Variants in RGSL1 observed in about 807,000 individuals in gnomAD.
RGSL1 encodes the protein regulator of G protein signaling protein-like.
In RGSL1, 97 loss-of-function variants were observed where a neutral mutation model predicts 124.7. The ratio of observed to expected loss-of-function variants is 0.78; its 90% CI spans 0.66 to 0.92. The LOEUF is 0.92. Among genes scored for constraint, RGSL1 ranks in the 40% least tolerant of loss-of-function variants. The pLI is 0.00. For missense variants in RGSL1, 1,233 were observed against 1,288.4 expected, an observed-to-expected ratio of 0.96 and a Z score of 0.66; for synonymous variants, 424 against 438.1, an observed-to-expected ratio of 0.97 and a Z score of 0.40.
intron 9 of RGSL1, among the ~76,000 whole-genome samples, chr1:182,520,267 T>G (rs1022254786): frequency 3.9e-5 from 6 of 152,174 alleles, no homozygotes; most frequent in African/African-American, 1.2e-4. Flanking sequence ...TGATGAACTA[T>G]TTATTGTTTT....
At position 182,519,917 on chromosome 1, in the gene RGSL1, A is replaced by G. The variant is rs553980192; in HGVS notation, c.1826-2087A>G. ...TTATTTCTAGAATTTACATTTTCTT[A>G]TAATATTGTCTATTTTGATATTTTC... On this transcript the variant is annotated intron_variant, in intron 9 of 21. Coordinates refer to ENST00000294854, the MANE Select transcript of RGSL1 (RefSeq NM_001137669.2). 5.3e-5 allele frequency among the ~76,000 whole-genome samples: 8 copies of G among 152,182 alleles called. No individual in the cohort carries two copies. In the South Asian group the frequency reaches 1.4e-3, roughly 28 times the overall value.
chr1:182,530,991 TG>T, intron 13 of RGSL1, 81 bp downstream of exon 13: 2 of 1,455,420 alleles, frequency 1.4e-6, no homozygotes, highest in Non-Finnish European at 9.2e-7. Flanking sequence ...ATCCCCATTT[TG>T]CAAAGGAAGA....
At chr1:182,450,433 G>T in intron 1 of RGSL1, 1 of 556,900 alleles carries the variant, frequency 1.8e-6, no homozygotes, top group Non-Finnish European at 3.2e-6. Flanking sequence ...AATGTGGATT[G>T]GGCCACCTCT....
intron 12 of RGSL1, among the ~76,000 whole-genome samples, 181 bp downstream of exon 12, chr1:182,530,542 C>CACAG (rs1659097421): frequency 6.6e-6 from 1 of 151,142 alleles, no homozygotes; most frequent in African/African-American, 2.4e-5. Flanking sequence ...CACACATACA[C>CACAG]ACACACACAC....
intron 19 of RGSL1, 52 bp downstream of exon 19, chr1:182,553,593 A>T: frequency 6.7e-7 from 1 of 1,483,958 alleles, no homozygotes; most frequent in Non-Finnish European, 9.2e-7. Flanking sequence ...TCAGAGGGGG[A>T]CTTTAAAACC....
intron 6 of RGSL1, among the ~76,000 whole-genome samples, chr1:182,482,712 G>A (rs1654804599): frequency 6.6e-6 from 1 of 152,134 alleles, no homozygotes; most frequent in Non-Finnish European, 1.5e-5. Flanking sequence ...ACAGTATGCA[G>A]GTTTCTCAAA....
At chr1:182,497,352 T>TAGGA (rs1656006610) in intron 9 of RGSL1, among the ~76,000 whole-genome samples, 1 of 148,164 alleles carries the variant, frequency 6.7e-6, no homozygotes, top group African/African-American at 2.5e-5. Flanking sequence ...TTATATCTCC[T>TAGGA]GATATAAAAA....
At chr1:182,486,856 G>T (rs1655137419) in intron 6 of RGSL1, among the ~76,000 whole-genome samples, 1 of 151,992 alleles carries the variant, frequency 6.6e-6, no homozygotes, top group Non-Finnish European at 1.5e-5. Flanking sequence ...TGTATCTTTA[G>T]TAGAGACGGG....
rs77316742 is a variant in RGSL1, at chr1:182,544,357, C to A, written c.2669+3936C>A. 8.1e-3 allele frequency among the ~76,000 whole-genome samples: 1,232 copies of A among 152,048 alleles called. 18 individuals carry two copies. The highest frequency in any genetic ancestry group is 0.031 in the Middle Eastern group (9 of 294). On this transcript the variant is annotated intron_variant, in intron 15 of 21. Coordinates refer to ENST00000294854, the MANE Select transcript of RGSL1 (RefSeq NM_001137669.2). Reference sequence around the variant, plus strand: ...ATTTCTAGTTTTTTTCCATCATGGTCAGATAGGATTCTTGATTTTATTTCT... The same window carrying A: ...ATTTCTAGTTTTTTTCCATCATGGTAAGATAGGATTCTTGATTTTATTTCT...
At chr1:182,452,290 T>C (rs138099451) in intron 1 of RGSL1, among the ~76,000 whole-genome samples, 9 of 152,200 alleles carry the variant, frequency 5.9e-5, no homozygotes, top group East Asian at 5.8e-4. Context: ...CCATATGGAA[T>C]AGATTAAATA....
chr1:182,530,726 G>A (rs570900533), intron 12 of RGSL1, 64 bp from the exon 13 acceptor site: 166 of 1,457,892 alleles, frequency 1.1e-4, no homozygotes, highest in Non-Finnish European at 1.4e-4. Context: ...AGGTTTGCCT[G>A]GACTGTCATC....
chr1:182,453,808 A>C (rs1371582359), intron 1 of RGSL1, 150 bp from the exon 2 acceptor site: 1 of 592,112 alleles, frequency 1.7e-6, no homozygotes, highest in African/African-American at 1.9e-5. Flanking sequence ...GTCCTGGAGA[A>C]GGACATGCAA....
At chr1:182,498,692 C>T (rs1234944763) in intron 9 of RGSL1, among the ~76,000 whole-genome samples, 2 of 152,006 alleles carry the variant, frequency 1.3e-5, no homozygotes, top group Non-Finnish European at 2.9e-5. Context: ...GTGCCATGGG[C>T]CAACAGTGTG....
At chr1:182,532,376 C>A (rs979424106) in intron 13 of RGSL1, among the ~76,000 whole-genome samples, 2 of 152,164 alleles carry the variant, frequency 1.3e-5, no homozygotes, top group African/African-American at 2.4e-5. Flanking sequence ...CCAATCACGG[C>A]ATCTCACATC....
At chr1:182,516,563 TGTA>T (rs1222895628) in intron 9 of RGSL1, among the ~76,000 whole-genome samples, 2 of 152,222 alleles carry the variant, frequency 1.3e-5, no homozygotes, top group Non-Finnish European at 2.9e-5. Context: ...GATTTTCTCT[TGTA>T]GTATGTTTTA....
At chr1:182,503,932 C>A (rs1656593218) in intron 9 of RGSL1, among the ~76,000 whole-genome samples, 1 of 149,146 alleles carries the variant, frequency 6.7e-6, no homozygotes, top group Non-Finnish European at 1.5e-5. Context: ...AGTTATCATG[C>A]TTTTCAGCCC....
At chr1:182,537,733 C>T (rs545567467) in intron 14 of RGSL1, among the ~76,000 whole-genome samples, 24 of 152,224 alleles carry the variant, frequency 1.6e-4, no homozygotes, top group South Asian at 1.0e-3. Flanking sequence ...TTTCTAGTCT[C>T]TCGGTGGAAA....
rs1040580908 is a variant in RGSL1, at chr1:182,475,043, G to A, written c.1431+501G>A. Among the ~76,000 whole-genome samples the A allele has an allele frequency of 7.2e-5, 11 of 152,240 alleles. No individual in the cohort carries two copies. In the South Asian group the frequency reaches 1.2e-3, roughly 17 times the overall value. ...TGTCTCAAGGCACAAATTTTGCAAC[G>A]TCCCCCAAATCAGCCAAAAATTCTA... On this transcript the variant is annotated intron_variant, in intron 6 of 21. Coordinates refer to ENST00000294854, the MANE Select transcript of RGSL1 (RefSeq NM_001137669.2).
chr1:182,448,816 G>A (rs533129194), upstream of RGSL1, among the ~76,000 whole-genome samples: 36 of 152,234 alleles, frequency 2.4e-4, no homozygotes, highest in Admixed American at 2.1e-3. Context: ...ACTGTTTTTA[G>A]AGTGACCCTA....
Sources: allele counts gnomAD v4.1 joint callset (sites outside exome capture counted in the v4.1 genomes callset), GRCh38; gene constraint gnomAD v4.1.1; transcripts MANE v1.5; gene names NCBI Gene and HGNC (gene_info 2026-07-23, HGNC 2026-07-21).